Variants in DLG2 observed in about 807,000 individuals in gnomAD.
DLG2 encodes the protein disks large homolog 2.
In DLG2, 45 loss-of-function variants were observed where a neutral mutation model predicts 132.5. The ratio of observed to expected loss-of-function variants is 0.34; its 90% CI spans 0.27 to 0.44. The LOEUF is 0.44. Among genes scored for constraint, DLG2 ranks in the 20% least tolerant of loss-of-function variants. DLG2 has a pLI of 1.00. For missense variants in DLG2, 1,045 were observed against 1,196.9 expected (o/e 0.87, Z 1.87); for synonymous variants, 424 against 419.6 (o/e 1.01, Z -0.13).
At chr11:84,818,583 A>G (rs2077323807) in intron 6 of DLG2, among the ~76,000 whole-genome samples, 1 of 151,968 alleles carries the variant, frequency 6.6e-6, no homozygotes, top group Non-Finnish European at 1.5e-5. Context: ...AAGGTCTCTT[A>G]CTTGCATGAA....
intron 6 of DLG2, among the ~76,000 whole-genome samples, chr11:84,558,074 G>C (rs904148873): frequency 3.9e-5 from 6 of 152,068 alleles, no homozygotes; most frequent in African/African-American, 7.2e-5. Context: ...TATATGTAAG[G>C]GGTGAGAAAG....
At chr11:84,203,980 G>A (rs970277954) in intron 8 of DLG2, among the ~76,000 whole-genome samples, 1 of 152,004 alleles carries the variant, frequency 6.6e-6, no homozygotes, top group East Asian at 1.9e-4. Context: ...TTTTTGAGAC[G>A]GAGTTTTGCT....
intron 3 of DLG2, among the ~76,000 whole-genome samples, chr11:85,539,875 G>A (rs901812221): frequency 6.6e-6 from 1 of 152,220 alleles, no homozygotes; most frequent in Non-Finnish European, 1.5e-5. Context: ...AATAGAGCCA[G>A]GAGGCCATTT....
At chr11:83,862,734 CA>C (rs757381308) in intron 16 of DLG2, among the ~76,000 whole-genome samples, 4 of 151,970 alleles carry the variant, frequency 2.6e-5, no homozygotes, top group Non-Finnish European at 4.4e-5. Flanking sequence ...TGTACAACTA[CA>C]GAGAGAGAGA....
intron 9 of DLG2, among the ~76,000 whole-genome samples, chr11:84,119,429 T>A (rs1408731329): frequency 6.6e-6 from 1 of 151,328 alleles, no homozygotes; most frequent in African/African-American, 2.4e-5. Flanking sequence ...TGGATTCATA[T>A]ATATATGAAT....
chr11:83,951,744 G>C (rs2085499337), intron 14 of DLG2, among the ~76,000 whole-genome samples: 1 of 152,116 alleles, frequency 6.6e-6, no homozygotes. Flanking sequence ...TCATAAATAA[G>C]GGCTTTAGAT....
intron 18 of DLG2, among the ~76,000 whole-genome samples, chr11:83,681,362 A>G (rs771954765): frequency 1.3e-5 from 2 of 152,156 alleles, no homozygotes; most frequent in Non-Finnish European, 2.9e-5. Flanking sequence ...AAATACCCGG[A>G]GCCCACCCAA....
intron 3 of DLG2, among the ~76,000 whole-genome samples, chr11:85,450,139 T>A (rs1232827152): frequency 2.0e-5 from 3 of 152,010 alleles, no homozygotes; most frequent in African/African-American, 7.2e-5. Flanking sequence ...TAAAAAAAAA[T>A]GACATAAATT....
intron 7 of DLG2, among the ~76,000 whole-genome samples, chr11:84,472,765 T>C (rs867805512): frequency 2.0e-4 from 31 of 151,936 alleles, no homozygotes; most frequent in South Asian, 2.1e-4. Flanking sequence ...AATATGACCA[T>C]ACCAGCAACT....
At chr11:84,254,854 C>G (rs2097440738) in intron 7 of DLG2, among the ~76,000 whole-genome samples, 3 of 152,104 alleles carry the variant, frequency 2.0e-5, no homozygotes, top group African/African-American at 7.2e-5. Flanking sequence ...ACTGCTAACA[C>G]CTACCTCTCT....
At chr11:84,424,506 G>A (rs1256419641) in intron 7 of DLG2, among the ~76,000 whole-genome samples, 3 of 151,834 alleles carry the variant, frequency 2.0e-5, no homozygotes, top group Non-Finnish European at 4.4e-5. Context: ...TCTTATAATA[G>A]TGCCTATGAG....
At chr11:85,110,610 T>G (rs2072565168) in intron 6 of DLG2, among the ~76,000 whole-genome samples, 1 of 152,020 alleles carries the variant, frequency 6.6e-6, no homozygotes, top group Non-Finnish European at 1.5e-5. Flanking sequence ...TCTCCTTCAC[T>G]AAAGGTGATC....
intron 17 of DLG2, among the ~76,000 whole-genome samples, chr11:83,825,342 C>T (rs1016768683): frequency 5.3e-5 from 8 of 151,308 alleles, no homozygotes; most frequent in African/African-American, 7.3e-5. Flanking sequence ...CCACCACGTC[C>T]GGCTAATTTT....
chr11:84,827,785 T>C (rs1466443815), intron 6 of DLG2, among the ~76,000 whole-genome samples: 1 of 141,008 alleles, frequency 7.1e-6, no homozygotes, highest in Admixed American at 7.2e-5. Flanking sequence ...TAAAAAAAAA[T>C]TCCATCATTT....
At chr11:85,353,377 T>C (rs2083444357) in intron 3 of DLG2, among the ~76,000 whole-genome samples, 1 of 152,210 alleles carries the variant, frequency 6.6e-6, no homozygotes, top group Non-Finnish European at 1.5e-5. Flanking sequence ...GGAATGCTTT[T>C]ACACTGTTGG....
chr11:84,902,119 T>C (rs2090963090), intron 6 of DLG2, among the ~76,000 whole-genome samples: 1 of 152,120 alleles, frequency 6.6e-6, no homozygotes, highest in Non-Finnish European at 1.5e-5. Flanking sequence ...TGGAAGGCAA[T>C]TTTGTAAAAT....
At chr11:84,388,736 G>T (rs761808312) in intron 7 of DLG2, among the ~76,000 whole-genome samples, 3 of 151,864 alleles carry the variant, frequency 2.0e-5, no homozygotes, top group Non-Finnish European at 4.4e-5. Flanking sequence ...AGAGAATAAA[G>T]AAGAAAAAGT....
chr11:85,394,137 C>A (rs1469104473), intron 3 of DLG2, among the ~76,000 whole-genome samples: 2 of 152,056 alleles, frequency 1.3e-5, no homozygotes, highest in Non-Finnish European at 2.9e-5. Flanking sequence ...AACTTCTGTT[C>A]CTTTTTATCT....
chr11:84,130,676 CT>C (rs2094386797), intron 9 of DLG2, among the ~76,000 whole-genome samples: 2 of 151,804 alleles, frequency 1.3e-5, no homozygotes, highest in African/African-American at 4.8e-5. Context: ...CTTTAGTACT[CT>C]ATTTGTGTCC....
Sources: allele counts gnomAD v4.1 joint callset (sites outside exome capture counted in the v4.1 genomes callset), GRCh38; gene constraint gnomAD v4.1.1; transcripts MANE v1.5; gene names NCBI Gene and HGNC (gene_info 2026-07-23, HGNC 2026-07-21).